The following ZFPM2 variants were observed in gnomAD, a reference collection of about 807,000 sequenced individuals.
ZFPM2 encodes zinc finger protein, FOG family member 2, also known as zinc finger protein ZFPM2.
Under a neutral mutation model 98.6 loss-of-function variants are expected in ZFPM2, and 20 were observed. The ratio of observed to expected loss-of-function variants is 0.20; its 90% CI spans 0.14 to 0.29. The LOEUF is 0.29. ZFPM2 is among the 10% of genes least tolerant of loss of function. The probability of loss-of-function intolerance (pLI) is 1.00; values close to 1 mark genes in which losing one functional copy is unlikely to be tolerated. For synonymous variants in ZFPM2, 518 were observed against 502.7 expected, an observed-to-expected ratio of 1.03 and a Z score of -0.41; for missense variants, 1,310 against 1,388.6, an observed-to-expected ratio of 0.94 and a Z score of 0.90.
At chr8:105,525,310 G>C (rs1563699423) in intron 3 of ZFPM2, among the ~76,000 whole-genome samples, 1 of 152,154 alleles carries the variant, frequency 6.6e-6, no homozygotes, top group African/African-American at 2.4e-5. Context: ...GCTTTATTCA[G>C]TCTGTAAGCT....
At chr8:105,487,892 G>GTCTATCTA (rs752314176) in intron 3 of ZFPM2, among the ~76,000 whole-genome samples, 4,377 of 103,262 alleles carry the variant, frequency 0.042, 103 homozygotes, top group Admixed American at 0.068. Flanking sequence ...AAGTCTGTCT[G>GTCTATCTA]TCTATCTATC....
intron 5 of ZFPM2, among the ~76,000 whole-genome samples, chr8:105,750,912 C>T (rs1321005226): frequency 6.6e-6 from 1 of 152,054 alleles, no homozygotes; most frequent in East Asian, 1.9e-4. Context: ...GTTTTCGTCA[C>T]CCAGGATATG....
intron 2 of ZFPM2, among the ~76,000 whole-genome samples, chr8:105,427,077 T>C (rs1158599790): frequency 2.6e-5 from 4 of 152,210 alleles, no homozygotes; most frequent in Admixed American, 6.5e-5. Context: ...ACATAGTTTT[T>C]GTTTGGAATG....
chr8:105,470,633 C>T (rs1316193783), intron 3 of ZFPM2, among the ~76,000 whole-genome samples: 1 of 152,016 alleles, frequency 6.6e-6, no homozygotes, highest in Non-Finnish European at 1.5e-5. Flanking sequence ...CAAAACTTAT[C>T]CAGGAGTGGT....
In ZFPM2 at chr8:105,778,487, TGC is replaced by T. The variant is rs113734127; in HGVS notation, c.533-10229_533-10228del. ...GTATGTCTGCATGTGTCTGAGTGCATGCGTGTGTGTGTGTGTGTGTGCGTGTG... is the reference window on the plus strand; with the variant it reads ...GTATGTCTGCATGTGTCTGAGTGCATGTGTGTGTGTGTGTGTGTGCGTGTG... On this transcript the variant is annotated intron_variant, in intron 5 of 7. Transcript: ENST00000407775. Among the ~76,000 whole-genome samples the T allele has an allele frequency of 4.1e-3, 603 of 146,538 alleles. 5 individuals carry two copies. Among genetic ancestry groups the T allele is most frequent in the African/African-American group, 0.015 (526 of 36,096 alleles).
intron 1 of ZFPM2, among the ~76,000 whole-genome samples, chr8:105,343,070 T>C (rs1351793087): frequency 4.6e-5 from 7 of 152,090 alleles, no homozygotes; most frequent in Non-Finnish European, 8.8e-5. Flanking sequence ...ATTAACAAGA[T>C]CAGGTTGCAA....
chr8:105,786,427 A>G (rs1813418906), intron 5 of ZFPM2, among the ~76,000 whole-genome samples: 1 of 152,244 alleles, frequency 6.6e-6, no homozygotes, highest in South Asian at 2.1e-4. Context: ...AGCATGCAGC[A>G]GAGATTTCAA....
At position 105,718,379 on chromosome 8, in the gene ZFPM2, C is replaced by G. The variant is rs1275503082; in HGVS notation, c.533-70339C>G. 3.3e-5 allele frequency among the ~76,000 whole-genome samples: 5 copies of G among 151,910 alleles called. No individual in the cohort carries two copies. The East Asian group carries it at 5.9e-4, about 18-fold the overall frequency. On this transcript the variant is annotated intron_variant, in intron 5 of 7. Transcript: ENST00000407775. ...CTTGGATAATGTCCTTCACCACCCCCCAAAAAATGAGAACTTTAGCGTATG... is the reference window on the plus strand; with the variant it reads ...CTTGGATAATGTCCTTCACCACCCCGCAAAAAATGAGAACTTTAGCGTATG...
At chr8:105,586,920 C>T (rs1186461836) in intron 4 of ZFPM2, among the ~76,000 whole-genome samples, 1 of 150,230 alleles carries the variant, frequency 6.7e-6, no homozygotes, top group Non-Finnish European at 1.5e-5. Context: ...TGAAGTTTGC[C>T]ATCTAATTAA....
chr8:105,412,767 G>T (rs2130045287), intron 1 of ZFPM2, among the ~76,000 whole-genome samples: 1 of 151,766 alleles, frequency 6.6e-6, no homozygotes, highest in African/African-American at 2.4e-5. Flanking sequence ...TCCAAAGAGT[G>T]TCCCTCTTCT....
chr8:105,364,832 T>C (rs1357357144), intron 1 of ZFPM2, among the ~76,000 whole-genome samples: 1 of 152,094 alleles, frequency 6.6e-6, no homozygotes, highest in Non-Finnish European at 1.5e-5. Context: ...TCTTGTGTAG[T>C]GCATCCTTAG....
chr8:105,547,313 C>A (rs756357260), intron 3 of ZFPM2, among the ~76,000 whole-genome samples: 3 of 151,716 alleles, frequency 2.0e-5, no homozygotes, highest in African/African-American at 2.4e-5. Flanking sequence ...GAGGCCGAGG[C>A]GGGTGGATCA....
intron 5 of ZFPM2, among the ~76,000 whole-genome samples, chr8:105,713,481 G>A (rs1003479074): frequency 6.6e-6 from 1 of 152,058 alleles, no homozygotes; most frequent in South Asian, 2.1e-4. Context: ...TGTTTACCCT[G>A]TTGATAGTTT....
chr8:105,795,593 C>G (rs1467511245), intron 6 of ZFPM2, among the ~76,000 whole-genome samples: 1 of 146,148 alleles, frequency 6.8e-6, no homozygotes, highest in East Asian at 2.0e-4. Flanking sequence ...AAGACATCTG[C>G]TAATGCAAAA....
chr8:105,496,369 A>G (rs998729454), intron 3 of ZFPM2, among the ~76,000 whole-genome samples: 5 of 151,806 alleles, frequency 3.3e-5, no homozygotes, highest in Non-Finnish European at 7.4e-5. Flanking sequence ...CAGTTCCTCA[A>G]TCTTCCCTGT....
chr8:105,456,152 T>TTTTG lies in ZFPM2; in HGVS notation c.301+11787_301+11790dup, dbSNP rs942696476. Among the ~76,000 whole-genome samples the TTTTG allele has an allele frequency of 6.9e-5, 8 of 115,588 alleles. 2 individuals are homozygous for TTTTG. The highest frequency in any genetic ancestry group is 1.2e-4 in the Non-Finnish European group (6 of 50,062). The allele number at this position is 115,588 out of a possible 152,430, so 75.8% of individuals were successfully genotyped here. ...TGGGGAAAACCAGGAAAATGTTTTT[T>TTTTG]TTTGTTTGTTTGTTTGTTTTTTTTT... On this transcript the variant is annotated intron_variant, in intron 3 of 7. Transcript: ENST00000407775.
At chr8:105,419,374 A>G (rs1173319640) in intron 2 of ZFPM2, 72 bp downstream of exon 2, 12 of 1,545,338 alleles carry the variant, frequency 7.8e-6, no homozygotes, top group South Asian at 1.2e-5. Flanking sequence ...AAAAATGCAT[A>G]ATAGTCCTCA....
intron 1 of ZFPM2, among the ~76,000 whole-genome samples, chr8:105,323,456 T>C (rs1812064720): frequency 6.6e-6 from 1 of 151,916 alleles, no homozygotes; most frequent in Admixed American, 6.6e-5. Context: ...TGAGCAACAT[T>C]TCGGAAAACC....
intron 5 of ZFPM2, among the ~76,000 whole-genome samples, chr8:105,711,891 T>A (rs1192376460): frequency 2.6e-5 from 4 of 152,112 alleles, no homozygotes; most frequent in Non-Finnish European, 2.9e-5. Flanking sequence ...ATTATGAGGC[T>A]TCTTTCTATG....
Sources: allele counts gnomAD v4.1 joint callset (sites outside exome capture counted in the v4.1 genomes callset), GRCh38; gene constraint gnomAD v4.1.1; transcripts MANE v1.5; gene names NCBI Gene and HGNC (gene_info 2026-07-23, HGNC 2026-07-21).